The following PHF10 variants were observed in gnomAD, a reference collection of about 807,000 sequenced individuals.
PHF10 encodes the protein BRG1-associated factor 45a.
A neutral mutation model predicts 68.5 loss-of-function variants in PHF10; 51 were observed. That is an observed-to-expected ratio of 0.74 (90% CI 0.59 to 0.94). The LOEUF (loss-of-function observed/expected upper bound fraction) is 0.94. Among genes scored for constraint, PHF10 ranks in the 40% least tolerant of loss-of-function variants. The pLI, the probability that PHF10 is intolerant of heterozygous loss-of-function variation, is 0.00. For synonymous variants in PHF10, 204 were observed against 203.5 expected, an observed-to-expected ratio of 1.00 and a Z score of -0.02; for missense variants, 460 against 602.6, an observed-to-expected ratio of 0.76 and a Z score of 2.48.
At position 169,724,288 on chromosome 6, in the gene PHF10, G is replaced by A. The variant is rs1449044537; in HGVS notation, c.-357C>T. 1.5e-5 allele frequency among the ~76,000 whole-genome samples: 2 copies of A among 133,226 alleles called. No individual in the cohort carries two copies. The highest frequency in any genetic ancestry group is 3.2e-5 in the Non-Finnish European group (2 of 62,230). 87.4% of individuals were successfully genotyped at this position (133,226 alleles called of 152,430 possible). On this transcript the variant is annotated 5_prime_UTR_variant, in exon 1 of 12. Transcript: ENST00000339209. The stretch of plus-strand genomic sequence containing the variant: ...CGCCTCAGCACCGTTGCCCCCCACA[G>A]CTCCGCCGCTGGCCTCAGCGCCGCC...
At chr6:169,706,268 C>T (rs1788780696) in intron 9 of PHF10, among the ~76,000 whole-genome samples, 1 of 152,118 alleles carries the variant, frequency 6.6e-6, no homozygotes, top group Non-Finnish European at 1.5e-5. Flanking sequence ...ATGTCTCATG[C>T]ATACATTGGC....
intron 7 of PHF10, 95 bp from the exon 8 acceptor site, chr6:169,712,634 TA>T: frequency 9.5e-7 from 1 of 1,052,658 alleles, no homozygotes; most frequent in Middle Eastern, 2.4e-4. Context: ...ACTTCTTGAG[TA>T]ACCCCGAAGA....
rs762440493 is a variant in PHF10, at chr6:169,714,846, C to T, written c.694-4G>A. 6.4e-6 allele frequency: 9 copies of T among 1,409,952 alleles called. No homozygotes were observed. The highest frequency in any genetic ancestry group is 4.2e-5 in the African/African-American group (3 of 70,872). 87.3% of individuals were successfully genotyped at this position (1,409,952 alleles called of 1,614,324 possible). A position where few individuals can be genotyped will look rare whatever the true frequency, so the allele number is the denominator to read the frequency against. Reference sequence around the variant, plus strand: ...TCCCTTGAGGTACCTGGATAACCTACGTTAACATAAAGAGAAACACAAAAC... The same window carrying T: ...TCCCTTGAGGTACCTGGATAACCTATGTTAACATAAAGAGAAACACAAAAC... On this transcript the variant is annotated splice_region_variant and splice_polypyrimidine_tract_variant and intron_variant, in intron 6 of 11. Transcript: ENST00000339209.
Position 169,721,107 on chromosome 6 carries a change from T to C in PHF10, c.92A>G (p.Asp31Gly). 4 of 1,473,384 alleles carry C rather than the reference T, an allele frequency of 2.7e-6. No individual in the cohort carries two copies. Among genetic ancestry groups the C allele is most frequent in the Non-Finnish European group, 3.7e-6 (4 of 1,077,166 alleles). 91.3% of individuals were successfully genotyped at this position (1,473,384 alleles called of 1,614,324 possible). Residue 31 changes from aspartate (D) to glycine (G), a missense_variant, in exon 2 of 12, where the codon GAT becomes GGT. This residue lies in a region of PHF10 where 93 missense variants were observed against 82.4 expected (regional missense o/e 1.13). Coordinates refer to ENST00000339209, the MANE Select transcript of PHF10 (RefSeq NM_018288.4). ...ATPGAQSPKDDNEDNSNDGTQ... is the reference protein window; with the variant it reads ...ATPGAQSPKDGNEDNSNDGTQ... Reference sequence around the variant, plus strand: ...CCCATCATTTGAATTATCTTCATTATCATCCTATACATTTAAAAGATTCAA... The same window carrying C: ...CCCATCATTTGAATTATCTTCATTACCATCCTATACATTTAAAAGATTCAA...
chr6:169,722,127 G>A (rs1004509014), intron 1 of PHF10, among the ~76,000 whole-genome samples: 4 of 152,310 alleles, frequency 2.6e-5, no homozygotes, highest in East Asian at 1.9e-4. Context: ...AAAGTACTTA[G>A]AACAAGGACT....
In PHF10 at chr6:169,705,185, CAT is replaced by C; in HGVS notation, c.1357_1358del (p.Met453ValfsTer2). 6.2e-7 allele frequency: 1 copy of C among 1,613,542 alleles called. No homozygotes were observed. The highest frequency in any genetic ancestry group is 2.2e-5 in the East Asian group (1 of 44,868). ...HHEEEMMFCD[M>X]CDRGYHTFCV... ...AAAAAGTATGATAACCTCTGTCACA[CAT>C]ATCACAGAACATCATTTCTTCTTCA... On this transcript the variant is annotated frameshift_variant, in exon 11 of 12. Transcript: ENST00000339209. LOFTEE classifies it high-confidence loss of function.
At chr6:169,714,376 A>G (rs549701488) in intron 7 of PHF10, among the ~76,000 whole-genome samples, 1 of 152,340 alleles carries the variant, frequency 6.6e-6, no homozygotes, top group East Asian at 1.9e-4. Flanking sequence ...TCTGAGTCAT[A>G]GGTCTAGAGT....
intron 3 of PHF10, among the ~76,000 whole-genome samples, 193 bp from the exon 4 acceptor site, chr6:169,718,099 G>A (rs1789093796): frequency 2.0e-5 from 3 of 151,942 alleles, no homozygotes; most frequent in Admixed American, 1.3e-4. Flanking sequence ...GAATAAAATA[G>A]GAAATAGAAT....
At chr6:169,714,461 C>CAG (rs1788997792) in intron 7 of PHF10, among the ~76,000 whole-genome samples, 1 of 152,198 alleles carries the variant, frequency 6.6e-6, no homozygotes, top group South Asian at 2.1e-4. Context: ...ATACCCTGAG[C>CAG]AGTGAGGTGC....
intron 9 of PHF10, chr6:169,707,893 G>A (rs572526787): frequency 3.9e-5 from 6 of 152,276 alleles, no homozygotes; most frequent in East Asian, 1.9e-4. Flanking sequence ...GCTGCAGCTC[G>A]ATATACAAAG....
chr6:169,712,316 G>A, intron 8 of PHF10, 70 bp downstream of exon 8: 1 of 1,300,038 alleles, frequency 7.7e-7, no homozygotes, highest in Non-Finnish European at 1.1e-6. Flanking sequence ...AGAGGGTGAT[G>A]ACAGAAATTC....
At chr6:169,710,537 T>G in intron 8 of PHF10, 146 bp from the exon 9 acceptor site, 1 of 663,828 alleles carries the variant, frequency 1.5e-6, no homozygotes, top group Non-Finnish European at 2.6e-6. Context: ...GTAAGAAAGC[T>G]TTTTCCAGTG....
chr6:169,710,206 G>A, intron 9 of PHF10, 30 bp downstream of exon 9: 2 of 1,541,272 alleles, frequency 1.3e-6, no homozygotes, highest in Non-Finnish European at 8.8e-7. Context: ...GGTCAGTAAA[G>A]AAGCTGAGTC....
rs574092058 is a variant in PHF10 at position 169,716,441 on chromosome 6, A to G, written c.410-353T>C. Reference sequence around the variant, plus strand: ...CTACAGAATACTAGATGAATAAAAAAAAATTCAACATATTATAGTTCCCAG... The same window carrying G: ...CTACAGAATACTAGATGAATAAAAAGAAATTCAACATATTATAGTTCCCAG... On this transcript the variant is annotated intron_variant, in intron 4 of 11. Transcript: ENST00000339209. Among the ~76,000 whole-genome samples, 6 of 152,112 alleles carry G rather than the reference A, an allele frequency of 3.9e-5. No homozygotes were observed. The South Asian group carries it at 1.3e-3, about 32-fold the overall frequency.
intron 8 of PHF10, among the ~76,000 whole-genome samples, 180 bp from the exon 9 acceptor site, chr6:169,710,571 A>G (rs1585299928): frequency 1.3e-5 from 2 of 152,210 alleles, no homozygotes; most frequent in East Asian, 3.9e-4. Context: ...GTTATGTTAA[A>G]AATCATTCCT....
At position 169,717,804 on chromosome 6, in the gene PHF10, A is replaced by G. The variant is rs1428688403; in HGVS notation, c.409+19T>C. On this transcript the variant is annotated intron_variant, in intron 4 of 11. Coordinates refer to ENST00000339209, the MANE Select transcript of PHF10 (RefSeq NM_018288.4). The stretch of plus-strand genomic sequence containing the variant: ...TAAATGTTCAGCTTGAAAAATTCAC[A>G]TTAAAAAGCTATTCTTACCTAGAGT... 1 of 1,110,838 alleles carries G rather than the reference A, an allele frequency of 9.0e-7. No homozygotes were observed. The highest frequency in any genetic ancestry group is 1.4e-6 in the Non-Finnish European group (1 of 737,608). 68.8% of individuals were successfully genotyped at this position (1,110,838 alleles called of 1,614,324 possible). A position where few individuals can be genotyped will look rare whatever the true frequency, so the allele number is the denominator to read the frequency against.
In PHF10 at chr6:169,718,798, C is replaced by T. The variant is rs773337113; in HGVS notation, c.315G>A (p.Arg105=). ...SEYLGVTSFK[R]KYPDLERRDL... is the part of the protein sequence containing the mutation. ...TATATAAACTAGTACCTGGATATTTCCTTTTAAAGGAGGTCACACCCAAAT... is the reference window on the plus strand; with the variant it reads ...TATATAAACTAGTACCTGGATATTTTCTTTTAAAGGAGGTCACACCCAAAT... Residue 105 remains arginine (R), a synonymous_variant, in exon 3 of 12, where the codon AGG becomes AGA. Coordinates refer to ENST00000339209, the MANE Select transcript of PHF10 (RefSeq NM_018288.4). 4 of 1,553,154 alleles carry T rather than the reference C, an allele frequency of 2.6e-6. No individual in the cohort carries two copies. Among genetic ancestry groups the T allele is most frequent in the Admixed American group, 1.7e-5 (1 of 59,080 alleles).
At position 169,712,520 on chromosome 6, in the gene PHF10, G is replaced by A. The variant is rs1562986428; in HGVS notation, c.823C>T (p.Arg275Trp). 16 of 1,612,996 alleles carry A rather than the reference G, an allele frequency of 9.9e-6. No individual in the cohort carries two copies. The highest frequency in any genetic ancestry group is 1.7e-4 in the Middle Eastern group (1 of 6,052). The part of the protein sequence containing the change: ...YYKRYSPDEL[R>W]YLPLNTALYE... ...AGGGCTGTGTTTAATGGCAGATACC[G>A]CAGCTCATCTGGTGAGTACCTGAAG... The change falls in exon 8 of 12, where the codon CGG becomes TGG. Residue 275 changes from arginine (R) to tryptophan (W), a missense_variant. Arg to Trp is a moderately radical substitution (Grantham distance 101). Transcript: ENST00000339209.
At position 169,705,224 on chromosome 6, in the gene PHF10, T is replaced by A. The variant is rs758405157; in HGVS notation, c.1320A>T (p.Gly440=). The change falls in exon 11 of 12, where the codon GGA becomes GGT. Residue 440 remains glycine, a synonymous_variant. Transcript: ENST00000339209. The part of the protein sequence containing the change: ...CMECKTCIIC[G]QPHHEEEMMF... ...TCATTTCTTCTTCATGGTGGGGTTG[T>A]CCACATATAATGCATGTTTTACATT... 1 of 1,613,676 alleles carries A rather than the reference T, an allele frequency of 6.2e-7. No individual in the cohort carries two copies.
Sources: gnomAD v4.1 joint callset for allele counts (sites outside exome capture counted in the v4.1 genomes callset) on GRCh38, gnomAD v4.1.1 for gene constraint, gnomAD v4.1.1 regional missense constraint, MANE v1.5 for transcripts, NCBI Gene and HGNC (gene_info 2026-07-23, HGNC 2026-07-21) for gene names.